GADL1: variants seen among roughly 807,000 people sequenced by gnomAD.
GADL1 encodes the protein acidic amino acid decarboxylase GADL1.
A neutral mutation model predicts 69.5 loss-of-function variants in GADL1; 71 were observed. That is an observed-to-expected ratio of 1.02 (90% CI 0.84 to 1.25). GADL1 has a LOEUF of 1.25. GADL1 is among the 50% of genes most tolerant of loss of function. GADL1 has a pLI of 0.00. For missense variants in GADL1, 737 were observed against 631.8 expected (o/e 1.17, Z -1.79); for synonymous variants, 254 against 214.4 (o/e 1.18, Z -1.62).
intron 14 of GADL1, among the ~76,000 whole-genome samples, chr3:30,776,566 TGA>T (rs1411805435): frequency 1.3e-5 from 2 of 152,346 alleles, no homozygotes; most frequent in African/African-American, 4.8e-5. Context: ...CTTTGCTCCC[TGA>T]GAGGGTTTGA....
chr3:30,817,823 A>G (rs1243159635), intron 11 of GADL1, among the ~76,000 whole-genome samples: 1 of 152,224 alleles, frequency 6.6e-6, no homozygotes, highest in African/African-American at 2.4e-5. Flanking sequence ...TAAGATCAAA[A>G]GGACATATAA....
At chr3:30,730,880 T>C (rs1330896958) in intron 14 of GADL1, among the ~76,000 whole-genome samples, 1 of 152,204 alleles carries the variant, frequency 6.6e-6, no homozygotes, top group African/African-American at 2.4e-5. Flanking sequence ...TGCCTGTGCA[T>C]ATATGCACAT....
intron 1 of GADL1, among the ~76,000 whole-genome samples, chr3:30,879,133 T>C (rs1255823359): frequency 6.6e-6 from 1 of 151,894 alleles, no homozygotes; most frequent in Admixed American, 6.6e-5. Context: ...TCTACATCTT[T>C]AGAGCATTCA....
At chr3:30,873,348 CTA>C (rs769038406) in intron 1 of GADL1, among the ~76,000 whole-genome samples, 17 of 151,842 alleles carry the variant, frequency 1.1e-4, no homozygotes, top group Admixed American at 2.6e-4. Flanking sequence ...TTTATTAACT[CTA>C]TTTTATAGAT....
At chr3:30,808,911 T>G (rs115078448) in intron 11 of GADL1, among the ~76,000 whole-genome samples, 2,087 of 152,332 alleles carry the variant, frequency 0.014, 20 homozygotes, top group Non-Finnish European at 0.024. Context: ...TTTGCACTTA[T>G]GTTCACCTCA....
chr3:30,787,415 T>C (rs558358525), intron 12 of GADL1, among the ~76,000 whole-genome samples: 1 of 152,324 alleles, frequency 6.6e-6, no homozygotes, highest in South Asian at 2.1e-4. Flanking sequence ...GGCTTTTGTC[T>C]GTACCAAAAG....
intron 14 of GADL1, among the ~76,000 whole-genome samples, chr3:30,743,792 A>C (rs1029603600): frequency 4.4e-4 from 67 of 152,158 alleles, no homozygotes; most frequent in Non-Finnish European, 1.5e-4. Flanking sequence ...CTCATAACCC[A>C]CACACAGGGC....
chr3:30,881,009 A>G (rs1443521083), intron 1 of GADL1, among the ~76,000 whole-genome samples: 1 of 151,928 alleles, frequency 6.6e-6, no homozygotes, highest in Non-Finnish European at 1.5e-5. Flanking sequence ...AAGGAAAGAA[A>G]GCATAGGCAT....
In GADL1 at chr3:30,808,760, C is replaced by T. The variant is rs115381084; in HGVS notation, c.1051-7672G>A. ...TCATTTCTCTAAATGCAAGTCCACC[C>T]ACTACTTTTATCTTTCTCTTTTTTC... On this transcript the variant is annotated intron_variant, in intron 11 of 14. Transcript: ENST00000282538. Among the ~76,000 whole-genome samples, 778 of 152,292 alleles carry T rather than the reference C, an allele frequency of 5.1e-3. 6 individuals are homozygous for T. Among genetic ancestry groups the T allele is most frequent in the African/African-American group, 0.017 (710 of 41,572 alleles).
At chr3:30,847,717 T>C (rs1411175962) in intron 6 of GADL1, among the ~76,000 whole-genome samples, 4 of 152,214 alleles carry the variant, frequency 2.6e-5, no homozygotes, top group Non-Finnish European at 5.9e-5. Context: ...ACCTAGTTCT[T>C]GGTTTTTCTG....
intron 14 of GADL1, among the ~76,000 whole-genome samples, chr3:30,736,856 G>A (rs1266701927): frequency 6.6e-6 from 1 of 152,078 alleles, no homozygotes; most frequent in Non-Finnish European, 1.5e-5. Flanking sequence ...GCAGGGATGA[G>A]TTTTTATTAT....
rs1253873054 is a variant in GADL1 at position 30,834,277 on chromosome 3, GA to G, written c.907del (p.Ser303LeufsTer7). 6.2e-7 allele frequency: 1 copy of G among 1,612,040 alleles called. No homozygotes were observed. Among genetic ancestry groups the G allele is most frequent in the Non-Finnish European group, 8.5e-7 (1 of 1,178,516 alleles). ...RHSLWLHVDASWGGSALMSRK... is the reference protein window; with the variant it reads ...RHSLWLHVDAXWGGSALMSRK... Reference sequence around the variant, plus strand: ...CGACATCAAAGCTGAGCCACCCCAAGAAGCCTGTTGAGATATTTACAGTACC... The same window carrying G: ...CGACATCAAAGCTGAGCCACCCCAAGAGCCTGTTGAGATATTTACAGTACC... On this transcript the variant is annotated frameshift_variant, in exon 10 of 15. Coordinates refer to ENST00000282538, the MANE Select transcript of GADL1 (RefSeq NM_207359.3). LOFTEE classifies it high-confidence loss of function.
intron 1 of GADL1, among the ~76,000 whole-genome samples, chr3:30,867,362 G>GCA (rs1471802695): frequency 6.7e-6 from 1 of 148,414 alleles, no homozygotes; most frequent in Non-Finnish European, 1.5e-5. Flanking sequence ...TAATAATTAT[G>GCA]TATTTATCTT....
intron 14 of GADL1, among the ~76,000 whole-genome samples, chr3:30,754,443 T>A (rs1695914233): frequency 6.6e-6 from 1 of 152,078 alleles, no homozygotes; most frequent in African/African-American, 2.4e-5. Context: ...TAAAGGGATA[T>A]AGAAAAAAGC....
intron 5 of GADL1, 128 bp from the exon 6 acceptor site, chr3:30,850,239 A>G: frequency 1.5e-6 from 1 of 658,540 alleles, no homozygotes; most frequent in Non-Finnish European, 2.7e-6. Flanking sequence ...TGAAAAGCAC[A>G]TGAACACCGA....
intron 11 of GADL1, among the ~76,000 whole-genome samples, chr3:30,820,570 A>C (rs1341214948): frequency 6.6e-6 from 1 of 152,192 alleles, no homozygotes; most frequent in Non-Finnish European, 1.5e-5. Flanking sequence ...GAAGGTTTAA[A>C]AAATAAAATA....
At chr3:30,791,880 C>T (rs1696928112) in intron 12 of GADL1, among the ~76,000 whole-genome samples, 1 of 152,112 alleles carries the variant, frequency 6.6e-6, no homozygotes, top group Admixed American at 6.5e-5. Flanking sequence ...TAATAAAGGG[C>T]AGTTCCCCTG....
intron 1 of GADL1, among the ~76,000 whole-genome samples, chr3:30,892,845 C>G (rs1698802660): frequency 6.6e-6 from 1 of 152,026 alleles, no homozygotes; most frequent in African/African-American, 2.4e-5. Context: ...CTCAAATAGC[C>G]AAATATTTAT....
intron 12 of GADL1, among the ~76,000 whole-genome samples, chr3:30,790,844 G>A (rs1279043015): frequency 6.6e-6 from 1 of 151,936 alleles, no homozygotes. Flanking sequence ...TCATAAGTAG[G>A]GAATTAAAAT....
Sources: gnomAD v4.1 joint callset for allele counts (sites outside exome capture counted in the v4.1 genomes callset) on GRCh38, gnomAD v4.1.1 for gene constraint, MANE v1.5 for transcripts, NCBI Gene and HGNC (gene_info 2026-07-23, HGNC 2026-07-21) for gene names.